The following LNPEP variants were observed in gnomAD, a reference collection of about 807,000 sequenced individuals.
LNPEP encodes the protein leucyl and cystinyl aminopeptidase, also known as leucyl-cystinyl aminopeptidase.
A neutral mutation model predicts 120.6 loss-of-function variants in LNPEP; 64 were observed. The ratio of observed to expected loss-of-function variants is 0.53; its 90% confidence interval spans 0.43 to 0.65. LNPEP has a LOEUF of 0.65. Among genes scored for constraint, LNPEP ranks in the 30% least tolerant of loss-of-function variants. LNPEP has a pLI of 0.00. For missense variants in LNPEP, 1,057 were observed against 1,200.0 expected (o/e 0.88, Z 1.76); for synonymous variants, 435 against 425.4 (o/e 1.02, Z -0.28).
At chr5:96,972,497 A>G (rs1789890572) in intron 1 of LNPEP, among the ~76,000 whole-genome samples, 1 of 151,988 alleles carries the variant, frequency 6.6e-6, no homozygotes, top group Non-Finnish European at 1.5e-5. Context: ...CATGTCCTAA[A>G]TTGGCTAAGG....
rs140873572 is a variant in LNPEP, at chr5:96,996,010, C to T, written c.1408-380C>T. 832 of 160,230 alleles carry T rather than the reference C, an allele frequency of 5.2e-3. 12 individuals are homozygous for T. The highest frequency in any genetic ancestry group is 0.019 in the African/African-American group (793 of 41,604). 9.9% of individuals were successfully genotyped at this position (160,230 alleles called of 1,614,324 possible). A position where few individuals can be genotyped will look rare whatever the true frequency, so the allele number is the denominator to read the frequency against. On this transcript the variant is annotated intron_variant, in intron 6 of 17. Coordinates refer to ENST00000231368, the MANE Select transcript of LNPEP (RefSeq NM_005575.3). ...ATACAATGGAAAATAATCTTACTAA[C>T]TTGATATTAGAAGGTAGAAAAATGT...
intron 6 of LNPEP, 189 bp from the exon 7 acceptor site, chr5:96,996,201 A>T: frequency 2.4e-6 from 1 of 416,788 alleles, no homozygotes; most frequent in Middle Eastern, 5.9e-4. Context: ...TTTATTTTTA[A>T]AGTAAATTTA....
chr5:97,000,441 T>G (rs1425762240), intron 8 of LNPEP, among the ~76,000 whole-genome samples: 7 of 95,018 alleles, frequency 7.4e-5, no homozygotes. Context: ...TTGGGAAATT[T>G]CCCACTATTG....
At chr5:96,957,207 T>C (rs1248420881) in intron 1 of LNPEP, among the ~76,000 whole-genome samples, 1 of 152,224 alleles carries the variant, frequency 6.6e-6, no homozygotes. Flanking sequence ...ATGGGTGTTA[T>C]ATTGTGTAGA....
At chr5:96,945,958 C>T (rs6871162) in intron 1 of LNPEP, among the ~76,000 whole-genome samples, 1 of 151,958 alleles carries the variant, frequency 6.6e-6, no homozygotes, top group Non-Finnish European at 1.5e-5. Flanking sequence ...TGGTAAAGTG[C>T]TTTGAAGACA....
At chr5:96,983,475 T>C (rs1230344732) in intron 2 of LNPEP, among the ~76,000 whole-genome samples, 3 of 152,182 alleles carry the variant, frequency 2.0e-5, no homozygotes, top group Non-Finnish European at 4.4e-5. Flanking sequence ...AGACAGCATC[T>C]TGCTCTGTCG....
intron 2 of LNPEP, 55 bp from the exon 3 acceptor site, chr5:96,985,025 T>C (rs1744340490): frequency 6.3e-7 from 1 of 1,580,070 alleles, no homozygotes; most frequent in South Asian, 1.1e-5. Context: ...CTTGGCAGGG[T>C]GCCTTGTACA....
chr5:96,944,483 G>T (rs866063573), intron 1 of LNPEP, among the ~76,000 whole-genome samples: 1 of 150,218 alleles, frequency 6.7e-6, no homozygotes, highest in Non-Finnish European at 1.5e-5. Flanking sequence ...CTGGAAAGGG[G>T]ATAACTCAAA....
intron 2 of LNPEP, among the ~76,000 whole-genome samples, chr5:96,981,322 A>G (rs1021626889): frequency 7.2e-5 from 11 of 152,200 alleles, no homozygotes; most frequent in Admixed American, 3.9e-4. Flanking sequence ...AAGATATACT[A>G]TCACTTGGGG....
In LNPEP at chr5:96,959,040, G is replaced by A. The variant is rs533692869; in HGVS notation, c.20-20098G>A. On this transcript the variant is annotated intron_variant, in intron 1 of 17. Coordinates refer to ENST00000231368, the MANE Select transcript of LNPEP (RefSeq NM_005575.3). ...GAGGTTTCACCATGTTGGCCAGGAT[G>A]GTCTTGATCTCTTGACTTCATGATC... 7.0e-4 allele frequency among the ~76,000 whole-genome samples: 106 copies of A among 152,114 alleles called. 1 individual carries two copies. The highest frequency in any genetic ancestry group is 2.5e-3 in the African/African-American group (102 of 41,490).
At chr5:97,011,428 C>G (rs865859134) in intron 11 of LNPEP, among the ~76,000 whole-genome samples, 2 of 152,242 alleles carry the variant, frequency 1.3e-5, no homozygotes, top group African/African-American at 4.8e-5. Context: ...TGATGTCTCA[C>G]TATGTTGTCC....
chr5:96,958,143 A>G (rs895725786), intron 1 of LNPEP, among the ~76,000 whole-genome samples: 1 of 152,148 alleles, frequency 6.6e-6, no homozygotes, highest in Non-Finnish European at 1.5e-5. Flanking sequence ...ACAGAAACTC[A>G]CCCCTGTGTG....
At chr5:96,958,801 T>G (rs1789529696) in intron 1 of LNPEP, 1 of 152,102 alleles carries the variant, frequency 6.6e-6, no homozygotes, top group African/African-American at 2.4e-5. Context: ...TTTTCATTAT[T>G]TCACTCTGAT....
intron 1 of LNPEP, among the ~76,000 whole-genome samples, chr5:96,975,600 G>A (rs1789972601): frequency 6.6e-6 from 1 of 151,934 alleles, no homozygotes; most frequent in South Asian, 2.1e-4. Flanking sequence ...AAGAACCAGG[G>A]TTTATTGTTT....
intron 15 of LNPEP, among the ~76,000 whole-genome samples, chr5:97,025,829 A>G (rs188219168): frequency 0.033 from 5,043 of 152,252 alleles, 99 homozygotes; most frequent in Non-Finnish European, 0.047. Flanking sequence ...AAAAAAAACT[A>G]AAGTGTTTTA....
intron 1 of LNPEP, among the ~76,000 whole-genome samples, chr5:96,954,907 G>A (rs1340740315): frequency 2.0e-5 from 3 of 146,926 alleles, no homozygotes; most frequent in African/African-American, 5.0e-5. Flanking sequence ...CTCGGCCTCC[G>A]GAGTAGCTGG....
At position 96,998,154 on chromosome 5, in the gene LNPEP, G is replaced by GCT; in HGVS notation, c.1653+9_1653+10insCT. ...CTCTTTCCTATTTTAAGGTATTGCT[G>GCT]TGAACAAAAAGGTAGCTGGAGTGGG... On this transcript the variant is annotated intron_variant, in intron 8 of 17. Coordinates refer to ENST00000231368, the MANE Select transcript of LNPEP (RefSeq NM_005575.3). The GCT allele has an allele frequency of 1.3e-6, 2 of 1,584,566 alleles. No individual in the cohort carries two copies. Among genetic ancestry groups the GCT allele is most frequent in the South Asian group, 2.3e-5 (2 of 85,820 alleles).
intron 8 of LNPEP, among the ~76,000 whole-genome samples, chr5:96,998,359 G>A (rs1790567455): frequency 6.6e-6 from 1 of 152,006 alleles, no homozygotes; most frequent in African/African-American, 2.4e-5. Context: ...TGTATGACTA[G>A]TATTCCAGAC....
intron 14 of LNPEP, among the ~76,000 whole-genome samples, chr5:97,023,143 A>C (rs981019718): frequency 1.3e-5 from 2 of 152,098 alleles, no homozygotes; most frequent in Admixed American, 1.3e-4. Flanking sequence ...TGTATATCTC[A>C]TATAAGTAAA....
Sources: allele counts gnomAD v4.1 joint callset (sites outside exome capture counted in the v4.1 genomes callset), GRCh38; gene constraint gnomAD v4.1.1; transcripts MANE v1.5; gene names NCBI Gene and HGNC (gene_info 2026-07-23, HGNC 2026-07-21).